ABI2: variants seen among roughly 807,000 people sequenced by gnomAD.
The protein encoded by ABI2 is abelson interactor 2.
ABI2 carries 25 observed loss-of-function variants against 59.2 expected under a neutral mutation model. That is an observed-to-expected ratio of 0.42 (90% confidence interval 0.31 to 0.59). The LOEUF is 0.59. Among genes scored for constraint, ABI2 ranks in the 20% least tolerant of loss-of-function variants. The pLI is 0.14. For synonymous variants in ABI2, 213 were observed against 235.5 expected (o/e 0.90, Z 0.87); for missense variants, 545 against 681.8 (o/e 0.80, Z 2.23).
Position 203,428,146 on chromosome 2 carries a change from T to A in ABI2, c.*794T>A, listed in dbSNP as rs1175868964. ...GCTGGTTCATATGTGGAGGTGGGTG[T>A]GTGAAGCTAGACACGAAGGTCCCTA... is the stretch of plus-strand genomic sequence containing the variant. On this transcript the variant is annotated 3_prime_UTR_variant, in exon 12 of 12. Transcript: ENST00000261018. 5 of 152,494 alleles carry A rather than the reference T, an allele frequency of 3.3e-5. No individual in the cohort carries two copies. The East Asian group carries it at 9.6e-4, about 29-fold the overall frequency. 9.4% of individuals were successfully genotyped at this position (152,494 alleles called of 1,614,324 possible). A position where few individuals can be genotyped will look rare whatever the true frequency, so the allele number is the denominator to read the frequency against.
intron 4 of ABI2, among the ~76,000 whole-genome samples, chr2:203,382,750 G>A (rs1578234585): frequency 6.8e-6 from 1 of 146,230 alleles, no homozygotes; most frequent in East Asian, 2.0e-4. Flanking sequence ...AGTGACACGG[G>A]TTTTTTTTTT....
Position 203,392,275 on chromosome 2 carries a change from T to C in ABI2, c.578+1132T>C, listed in dbSNP as rs967072008. ...TTTGGCTTCCTCAGCACCACCACCA[T>C]CACCACCACCACCACCACCACCACC... On this transcript the variant is annotated intron_variant, in intron 5 of 11. Coordinates refer to ENST00000261018, the MANE Select transcript of ABI2 (RefSeq NM_001375670.1). 1.1e-3 allele frequency among the ~76,000 whole-genome samples: 144 copies of C among 127,354 alleles called. 1 individual carries two copies. The highest frequency in any genetic ancestry group is 2.3e-3 in the South Asian group (8 of 3,428). The allele number at this position is 127,354 out of a possible 152,430, so 83.5% of individuals were successfully genotyped here. A position where few individuals can be genotyped will look rare whatever the true frequency, so the allele number is the denominator to read the frequency against.
chr2:203,331,343 T>A (rs1371236772), intron 1 of ABI2, among the ~76,000 whole-genome samples: 2 of 125,404 alleles, frequency 1.6e-5, no homozygotes, highest in East Asian at 4.5e-4. Flanking sequence ...AATGGTCAAT[T>A]TAGCCTTTTT....
In ABI2 at chr2:203,430,414, GAATA is replaced by G. The variant is rs1220574194; in HGVS notation, c.*3063_*3066del. The G allele has an allele frequency of 2.0e-5, 3 of 152,118 alleles. No homozygotes were observed. In the East Asian group the frequency reaches 5.8e-4, roughly 29 times the overall value. 9.4% of individuals were successfully genotyped at this position (152,118 alleles called of 1,614,324 possible). ...TGTGTCCAGTCCCCTTAAAAAAAAT[GAATA>G]GTTGTCTTTTCTTGTCATATTAATA... On this transcript the variant is annotated 3_prime_UTR_variant, in exon 12 of 12. Coordinates refer to ENST00000261018, the MANE Select transcript of ABI2 (RefSeq NM_001375670.1).
chr2:203,390,907 A>G (rs1348455516), intron 4 of ABI2, 139 bp from the exon 5 acceptor site: 5 of 658,160 alleles, frequency 7.6e-6, no homozygotes, highest in African/African-American at 5.4e-5. Flanking sequence ...TAGAGATTGC[A>G]TATGAAATGC....
At chr2:203,345,042 C>T (rs1467366537) in intron 1 of ABI2, among the ~76,000 whole-genome samples, 2 of 152,208 alleles carry the variant, frequency 1.3e-5, no homozygotes, top group Non-Finnish European at 2.9e-5. Context: ...CCGGAGCCCG[C>T]AGTGGCAACC....
At chr2:203,423,252 A>G (rs1191534154) in intron 11 of ABI2, among the ~76,000 whole-genome samples, 1 of 152,194 alleles carries the variant, frequency 6.6e-6, no homozygotes, top group African/African-American at 2.4e-5. Context: ...ACTGAATAAT[A>G]TAGAATATAG....
At chr2:203,364,896 GC>G (rs1435885573) in intron 1 of ABI2, among the ~76,000 whole-genome samples, 1 of 151,706 alleles carries the variant, frequency 6.6e-6, no homozygotes, top group Non-Finnish European at 1.5e-5. Flanking sequence ...ATCATGCCTG[GC>G]TGATTTTCTA....
chr2:203,422,892 A>G (rs1298682093), intron 11 of ABI2, among the ~76,000 whole-genome samples: 1 of 152,234 alleles, frequency 6.6e-6, no homozygotes, highest in Non-Finnish European at 1.5e-5. Flanking sequence ...GACAGGTTAT[A>G]ACATAAATTC....
intron 1 of ABI2, among the ~76,000 whole-genome samples, chr2:203,366,173 G>C (rs1454269287): frequency 1.3e-5 from 2 of 152,006 alleles, no homozygotes; most frequent in Non-Finnish European, 2.9e-5. Context: ...TTAATGTTTA[G>C]CTGGGCCTGG....
chr2:203,345,844 C>T (rs1238208270), intron 1 of ABI2, among the ~76,000 whole-genome samples: 1 of 151,452 alleles, frequency 6.6e-6, no homozygotes, highest in African/African-American at 2.4e-5. Context: ...CTGTGCCCAG[C>T]AATATTTTCT....
At chr2:203,328,884 C>T (rs573034940) in intron 1 of ABI2, 2 of 301,206 alleles carry the variant, frequency 6.6e-6, no homozygotes, top group Non-Finnish European at 1.2e-5. Context: ...GCCTCCTCGC[C>T]GCTCCCGCCC....
chr2:203,368,725 T>A lies in ABI2; in HGVS notation c.285+1681T>A, dbSNP rs145351959. On this transcript the variant is annotated intron_variant, in intron 2 of 11. Transcript: ENST00000261018. ...TTGTGTATCTTAAGTTAAAAAAAAA[T>A]TGGTGCGTTTTAATGAGTGTAAGGT... Among the ~76,000 whole-genome samples the A allele has an allele frequency of 3.5e-3, 540 of 152,142 alleles. 8 individuals are homozygous for A. The highest frequency in any genetic ancestry group is 0.012 in the African/African-American group (509 of 41,504).
chr2:203,366,549 G>A (rs2094468082), intron 1 of ABI2, among the ~76,000 whole-genome samples: 1 of 152,126 alleles, frequency 6.6e-6, no homozygotes, highest in African/African-American at 2.4e-5. Context: ...AAATTTATAC[G>A]TTCAAATCAG....
At chr2:203,355,206 TG>T in intron 1 of ABI2, 1 of 403,028 alleles carries the variant, frequency 2.5e-6, no homozygotes, top group South Asian at 1.8e-5. Flanking sequence ...AAAGAATACA[TG>T]GAAAGTTAAA....
chr2:203,395,446 T>C (rs557822931), intron 6 of ABI2, among the ~76,000 whole-genome samples: 65 of 85,354 alleles, frequency 7.6e-4, no homozygotes, highest in Admixed American at 3.1e-3. Context: ...TATATATATA[T>C]ATACACACAC....
intron 9 of ABI2, among the ~76,000 whole-genome samples, chr2:203,408,029 G>A (rs958046204): frequency 1.3e-5 from 2 of 152,186 alleles, no homozygotes; most frequent in African/African-American, 4.8e-5. Flanking sequence ...AGTAGAATTT[G>A]GGATGACCTT....
chr2:203,423,338 TACC>T (rs2098294629), intron 11 of ABI2, among the ~76,000 whole-genome samples: 1 of 152,192 alleles, frequency 6.6e-6, no homozygotes, highest in Admixed American at 6.5e-5. Flanking sequence ...GATGGGCCCT[TACC>T]TCCAGGAGTT....
intron 11 of ABI2, among the ~76,000 whole-genome samples, chr2:203,426,957 T>C (rs2098441401): frequency 6.6e-6 from 1 of 152,040 alleles, no homozygotes; most frequent in Non-Finnish European, 1.5e-5. Flanking sequence ...TCCCCATTTG[T>C]ACTCAATTTA....
Sources: allele counts gnomAD v4.1 joint callset (sites outside exome capture counted in the v4.1 genomes callset), GRCh38; gene constraint gnomAD v4.1.1; transcripts MANE v1.5; gene names NCBI Gene and HGNC (gene_info 2026-07-23, HGNC 2026-07-21).